Variants in FARS2 observed in about 807,000 individuals in gnomAD.
FARS2 encodes phenylalanyl-tRNA synthetase 2, mitochondrial.
A neutral mutation model predicts 46.4 loss-of-function variants in FARS2; 40 were observed. The ratio of observed to expected loss-of-function variants is 0.86; its 90% confidence interval spans 0.67 to 1.12. The LOEUF is 1.12. Ranked by LOEUF, FARS2 falls within the 50% of genes most tolerant of loss-of-function variation. The pLI is 0.00. For missense variants in FARS2, 513 were observed against 567.9 expected, an observed-to-expected ratio of 0.90 and a Z score of 0.98; for synonymous variants, 234 against 214.9, an observed-to-expected ratio of 1.09 and a Z score of -0.78.
chr6:5,295,982 C>CT (rs1274954311), intron 1 of FARS2, among the ~76,000 whole-genome samples: 3 of 152,066 alleles, frequency 2.0e-5, no homozygotes, highest in Admixed American at 6.6e-5. Flanking sequence ...CCATGGAGGG[C>CT]TTACTGTGTG....
At chr6:5,755,831 G>A (rs1190313465) in intron 6 of FARS2, among the ~76,000 whole-genome samples, 2 of 152,176 alleles carry the variant, frequency 1.3e-5, no homozygotes, top group African/African-American at 4.8e-5. Context: ...CCCAAGACCA[G>A]TTTTATGGTA....
At chr6:5,357,645 A>T (rs1033107737) in intron 1 of FARS2, among the ~76,000 whole-genome samples, 7 of 152,262 alleles carry the variant, frequency 4.6e-5, no homozygotes, top group African/African-American at 1.7e-4. Flanking sequence ...AAGAAATTTT[A>T]TCAAGAACTT....
At chr6:5,417,591 A>G (rs1230005928) in intron 3 of FARS2, among the ~76,000 whole-genome samples, 4 of 152,160 alleles carry the variant, frequency 2.6e-5, no homozygotes, top group Non-Finnish European at 5.9e-5. Context: ...CCTGTGAGAA[A>G]TCTGCTCTTA....
At chr6:5,587,756 C>G (rs1166349395) in intron 5 of FARS2, among the ~76,000 whole-genome samples, 1 of 152,138 alleles carries the variant, frequency 6.6e-6, no homozygotes, top group Non-Finnish European at 1.5e-5. Context: ...CCCATACTAC[C>G]TTAAGTTCAT....
chr6:5,755,105 C>T (rs1370081806), intron 6 of FARS2, among the ~76,000 whole-genome samples: 2 of 152,220 alleles, frequency 1.3e-5, no homozygotes, highest in Admixed American at 1.3e-4. Flanking sequence ...GAGTTGTCTT[C>T]CAATTTACTC....
At chr6:5,418,503 TTGGCTGTTGAGAAC>T (rs1762367871) in intron 3 of FARS2, among the ~76,000 whole-genome samples, 1 of 152,214 alleles carries the variant, frequency 6.6e-6, no homozygotes, top group Non-Finnish European at 1.5e-5. Flanking sequence ...GGTTTTCCCC[TTGGCTGTTGAGAAC>T]TGGCACTATT....
In FARS2 at chr6:5,771,407, TG is replaced by T; in HGVS notation, c.1337del (p.Gly446ValfsTer24). The T allele has an allele frequency of 6.2e-7, 1 of 1,614,118 alleles. No individual in the cohort carries two copies. The highest frequency in any genetic ancestry group is 8.5e-7 in the Non-Finnish European group (1 of 1,179,998). ...QALQEAAVQLLGVEGRF is the reference protein window; with the variant it reads ...QALQEAAVQLXGVEGRF Reference sequence around the variant, plus strand: ...TTGCAGGAGGCTGCAGTCCAGCTGTTGGGTGTGGAGGGCAGGTTCTGATGTC... The same window carrying T: ...TTGCAGGAGGCTGCAGTCCAGCTGTTGGTGTGGAGGGCAGGTTCTGATGTC... On this transcript the variant is annotated frameshift_variant, in exon 7 of 7. Coordinates refer to ENST00000274680, the MANE Select transcript of FARS2 (RefSeq NM_006567.5). LOFTEE classifies it high-confidence loss of function.
chr6:5,444,456 G>T (rs2127793629), intron 4 of FARS2, among the ~76,000 whole-genome samples: 1 of 98,556 alleles, frequency 1.0e-5, no homozygotes, highest in African/African-American at 4.3e-5. Context: ...GACAAGGCGT[G>T]ACTCTGTCTC....
At chr6:5,390,349 T>C (rs1025799662) in intron 2 of FARS2, among the ~76,000 whole-genome samples, 3 of 152,250 alleles carry the variant, frequency 2.0e-5, no homozygotes, top group African/African-American at 7.2e-5. Context: ...TAGAAAGCAA[T>C]GAGTATGTAT....
At chr6:5,284,681 C>T (rs1035737452) in intron 1 of FARS2, among the ~76,000 whole-genome samples, 2 of 152,166 alleles carry the variant, frequency 1.3e-5, no homozygotes, top group African/African-American at 4.8e-5. Context: ...GTCTTCCATC[C>T]CCTTCAACTC....
At chr6:5,483,362 C>CT (rs1766587345) in intron 4 of FARS2, among the ~76,000 whole-genome samples, 1 of 152,252 alleles carries the variant, frequency 6.6e-6, no homozygotes, top group East Asian at 1.9e-4. Flanking sequence ...TCAGTATTGA[C>CT]TTTTTTTCAC....
intron 4 of FARS2, among the ~76,000 whole-genome samples, chr6:5,510,220 A>G (rs1436434770): frequency 6.6e-6 from 1 of 152,108 alleles, no homozygotes; most frequent in Non-Finnish European, 1.5e-5. Context: ...GATTCTGTGG[A>G]TATCTGCAGA....
At position 5,588,600 on chromosome 6, in the gene FARS2, C is replaced by G. The variant is rs577425092; in HGVS notation, c.1066-24569C>G. On this transcript the variant is annotated intron_variant, in intron 5 of 6. Transcript: ENST00000274680. ...CTTTGACCTCTGCCCTTTTCCCTTGCTAAGAAGAAAGAAAACCCATGTCTT... is the reference window on the plus strand; with the variant it reads ...CTTTGACCTCTGCCCTTTTCCCTTGGTAAGAAGAAAGAAAACCCATGTCTT... 1.3e-3 allele frequency among the ~76,000 whole-genome samples: 199 copies of G among 152,274 alleles called. 2 individuals are homozygous for G. Among genetic ancestry groups the G allele is most frequent in the Admixed American group, 5.2e-3 (80 of 15,304 alleles).
At chr6:5,398,548 C>T (rs1761040606) in intron 2 of FARS2, among the ~76,000 whole-genome samples, 2 of 152,138 alleles carry the variant, frequency 1.3e-5, no homozygotes, top group African/African-American at 4.8e-5. Context: ...TGGAATCAGT[C>T]ATTTCTTTAA....
At chr6:5,605,961 TAGTAGTTA>T (rs1774810056) in intron 5 of FARS2, among the ~76,000 whole-genome samples, 1 of 151,952 alleles carries the variant, frequency 6.6e-6, no homozygotes, top group Admixed American at 6.6e-5. Context: ...ACAGGAGAAT[TAGTAGTTA>T]AGACGCTGTT....
chr6:5,735,684 G>T (rs905243871), intron 6 of FARS2, among the ~76,000 whole-genome samples: 1 of 152,146 alleles, frequency 6.6e-6, no homozygotes, highest in Admixed American at 6.5e-5. Flanking sequence ...AGTCTGAAAG[G>T]CCTTTGTGAA....
intron 6 of FARS2, among the ~76,000 whole-genome samples, chr6:5,666,543 T>C (rs1778131087): frequency 6.6e-6 from 1 of 152,174 alleles, no homozygotes; most frequent in Non-Finnish European, 1.5e-5. Flanking sequence ...TTTTGCTGTA[T>C]ACCAGGCCTA....
At chr6:5,602,103 T>G (rs1018392848) in intron 5 of FARS2, among the ~76,000 whole-genome samples, 5 of 152,188 alleles carry the variant, frequency 3.3e-5, no homozygotes, top group African/African-American at 7.2e-5. Flanking sequence ...TAATAATGAT[T>G]GACTAGCCTG....
At chr6:5,305,947 C>A (rs1768671363) in intron 1 of FARS2, among the ~76,000 whole-genome samples, 1 of 152,188 alleles carries the variant, frequency 6.6e-6, no homozygotes, top group Non-Finnish European at 1.5e-5. Context: ...AAACTTACAG[C>A]TTTGCCTTAT....
Sources: gnomAD v4.1 joint callset for allele counts (sites outside exome capture counted in the v4.1 genomes callset) on GRCh38, gnomAD v4.1.1 for gene constraint, MANE v1.5 for transcripts, NCBI Gene and HGNC (gene_info 2026-07-23, HGNC 2026-07-21) for gene names.